Variants in RNFT2 observed in about 807,000 individuals in gnomAD.
RNFT2 encodes the protein E3 ubiquitin-protein ligase RNFT2.
A neutral mutation model predicts 53.0 loss-of-function variants in RNFT2; 36 were observed. That is an observed-to-expected ratio of 0.68 (90% CI 0.52 to 0.90). The LOEUF is 0.90. Ranked by LOEUF, RNFT2 falls within the 40% of genes least tolerant of loss-of-function variation. The pLI is 0.00. For synonymous variants in RNFT2, 260 were observed against 253.2 expected (o/e 1.03, Z -0.26); for missense variants, 514 against 585.6 (o/e 0.88, Z 1.26).
At chr12:116,818,150 C>CTACAAAAAAAGTCTTTAAAAAATTA (rs1875787505) in intron 7 of RNFT2, among the ~76,000 whole-genome samples, 2 of 151,940 alleles carry the variant, frequency 1.3e-5, no homozygotes, top group Admixed American at 6.6e-5. Context: ...GACCCCCTCT[C>CTACAAAAAAAGTCTTTAAAAAATTA]TACAAAAAAA....
intron 7 of RNFT2, among the ~76,000 whole-genome samples, chr12:116,824,913 G>T (rs770243719): frequency 6.6e-6 from 1 of 152,192 alleles, no homozygotes; most frequent in African/African-American, 2.4e-5. Context: ...AGTAGCCTTA[G>T]ATGGTACTTT....
At chr12:116,808,100 A>G (rs375444814) in intron 7 of RNFT2, among the ~76,000 whole-genome samples, 47 of 152,242 alleles carry the variant, frequency 3.1e-4, no homozygotes, top group African/African-American at 1.0e-3. Flanking sequence ...AATAACTGGG[A>G]TTACAGGCGC....
chr12:116,812,795 A>C (rs1008324267), intron 7 of RNFT2, among the ~76,000 whole-genome samples: 4 of 151,972 alleles, frequency 2.6e-5, no homozygotes, highest in African/African-American at 9.7e-5. Context: ...TGGCCTCCCA[A>C]AGTGCTGGGA....
chr12:116,785,986 AG>A, intron 7 of RNFT2, among the ~76,000 whole-genome samples: 1 of 152,296 alleles, frequency 6.6e-6, no homozygotes, highest in Admixed American at 6.5e-5. Flanking sequence ...CAGGAGGCAG[AG>A]GTTGCAGTGA....
In RNFT2 at chr12:116,749,555, C is replaced by T. The variant is rs11068170; in HGVS notation, c.84-286C>T. Among the ~76,000 whole-genome samples the T allele has an allele frequency of 7.1e-3, 1,083 of 152,270 alleles. 16 individuals carry two copies. The highest frequency in any genetic ancestry group is 0.024 in the African/African-American group (1,000 of 41,552). Reference sequence around the variant, plus strand: ...TCTGACTCCCAAAGTACAGGGATTACAGGCATGAGCCACTGCATCAGCCCT... The same window carrying T: ...TCTGACTCCCAAAGTACAGGGATTATAGGCATGAGCCACTGCATCAGCCCT... On this transcript the variant is annotated intron_variant, in intron 3 of 10. Coordinates refer to ENST00000257575, the MANE Select transcript of RNFT2 (RefSeq NM_001382266.1).
chr12:116,789,340 AAG>A (rs1462245527), intron 7 of RNFT2, among the ~76,000 whole-genome samples: 17 of 137,082 alleles, frequency 1.2e-4, no homozygotes, highest in East Asian at 7.2e-4. Context: ...GGTAAATGGA[AAG>A]AGAGTGGATG....
chr12:116,820,953 G>C, intron 7 of RNFT2, among the ~76,000 whole-genome samples: 1 of 152,012 alleles, frequency 6.6e-6, no homozygotes, highest in Non-Finnish European at 1.5e-5. Flanking sequence ...CTCACTTGCT[G>C]GGTCTCCCAC....
chr12:116,825,572 A>G (rs1186209468), intron 7 of RNFT2, among the ~76,000 whole-genome samples: 5 of 152,198 alleles, frequency 3.3e-5, no homozygotes, highest in Non-Finnish European at 7.3e-5. Flanking sequence ...CTGACATGTG[A>G]GAGCCAATGG....
intron 7 of RNFT2, among the ~76,000 whole-genome samples, chr12:116,782,644 G>A (rs1009341664): frequency 6.6e-6 from 1 of 152,144 alleles, no homozygotes; most frequent in Non-Finnish European, 1.5e-5. Context: ...CTCCCTCCCA[G>A]GTTACCATGG....
intron 5 of RNFT2, among the ~76,000 whole-genome samples, chr12:116,766,089 T>C (rs188676357): frequency 3.3e-5 from 5 of 151,932 alleles, no homozygotes; most frequent in Admixed American, 6.6e-5. Flanking sequence ...CTGAGCCAAA[T>C]AGCAAGACTC....
Position 116,852,184 on chromosome 12 carries a change from C to A in RNFT2, c.*2736C>A. On this transcript the variant is annotated 3_prime_UTR_variant, in exon 11 of 11. Coordinates refer to ENST00000257575, the MANE Select transcript of RNFT2 (RefSeq NM_001382266.1). The stretch of plus-strand genomic sequence containing the variant: ...TCTGTTCTCTTATTGTCAACCTCAG[C>A]ACAACAGGCTGGCGCCAATGGCATT... 8.3e-7 allele frequency: 1 copy of A among 1,199,236 alleles called. No individual in the cohort carries two copies. Among genetic ancestry groups the A allele is most frequent in the Non-Finnish European group, 1.1e-6 (1 of 916,506 alleles). 74.3% of individuals were successfully genotyped at this position (1,199,236 alleles called of 1,614,324 possible).
chr12:116,804,189 C>T (rs1874938000), intron 7 of RNFT2, among the ~76,000 whole-genome samples: 1 of 152,174 alleles, frequency 6.6e-6, no homozygotes, highest in Non-Finnish European at 1.5e-5. Context: ...CCTTTTGCAA[C>T]TTGTGCTGTT....
intron 7 of RNFT2, among the ~76,000 whole-genome samples, chr12:116,832,485 G>T (rs1413424015): frequency 1.3e-5 from 2 of 152,118 alleles, no homozygotes; most frequent in Non-Finnish European, 2.9e-5. Context: ...CGTCTGGGCT[G>T]CTTCCAGTTT....
chr12:116,808,372 G>T (rs547722292), intron 7 of RNFT2, among the ~76,000 whole-genome samples: 2 of 152,162 alleles, frequency 1.3e-5, no homozygotes, highest in Non-Finnish European at 2.9e-5. Flanking sequence ...TTACAGGTGC[G>T]AGCCGCTGCA....
intron 7 of RNFT2, 34 bp from the exon 8 acceptor site, chr12:116,833,758 C>A: frequency 1.2e-6 from 2 of 1,609,832 alleles, no homozygotes; most frequent in Middle Eastern, 1.7e-4. Flanking sequence ...GTCTTTACTG[C>A]TAATAATAAT....
chr12:116,758,323 G>A (rs1238515738), intron 5 of RNFT2, among the ~76,000 whole-genome samples: 3 of 152,204 alleles, frequency 2.0e-5, no homozygotes, highest in Non-Finnish European at 2.9e-5. Flanking sequence ...TACATTCAAT[G>A]TTAGTATTGA....
chr12:116,810,465 A>G (rs1404233948), intron 7 of RNFT2, among the ~76,000 whole-genome samples: 2 of 152,146 alleles, frequency 1.3e-5, no homozygotes, highest in Admixed American at 1.3e-4. Flanking sequence ...GAATCTGCCC[A>G]GTGGCTCAGG....
chr12:116,749,191 C>A (rs1253687438), intron 3 of RNFT2, among the ~76,000 whole-genome samples: 3 of 151,866 alleles, frequency 2.0e-5, no homozygotes, highest in African/African-American at 7.3e-5. Flanking sequence ...CTTTCTGAGG[C>A]CTCTCTCCTT....
chr12:116,790,540 G>A (rs1311708089), intron 7 of RNFT2, among the ~76,000 whole-genome samples: 1 of 152,164 alleles, frequency 6.6e-6, no homozygotes, highest in Non-Finnish European at 1.5e-5. Flanking sequence ...GCCAGTGTGG[G>A]GCCAGCCTTT....
Sources: allele counts gnomAD v4.1 joint callset (sites outside exome capture counted in the v4.1 genomes callset), GRCh38; gene constraint gnomAD v4.1.1; transcripts MANE v1.5; gene names NCBI Gene and HGNC (gene_info 2026-07-23, HGNC 2026-07-21).